The following GAS2 variants were observed in gnomAD, a reference collection of about 807,000 sequenced individuals.
The protein encoded by GAS2 is growth arrest specific 2.
A neutral mutation model predicts 37.5 loss-of-function variants in GAS2; 20 were observed. The ratio of observed to expected loss-of-function variants is 0.53; its 90% CI spans 0.37 to 0.77. The LOEUF is 0.77. Among genes scored for constraint, GAS2 ranks in the 30% least tolerant of loss-of-function variants. GAS2 has a pLI of 0.00. For synonymous variants in GAS2, 144 were observed against 132.2 expected, an observed-to-expected ratio of 1.09 and a Z score of -0.61; for missense variants, 336 against 373.4, an observed-to-expected ratio of 0.90 and a Z score of 0.82.
intron 5 of GAS2, among the ~76,000 whole-genome samples, chr11:22,741,719 A>G (rs898964260): frequency 6.6e-6 from 1 of 152,160 alleles, no homozygotes; most frequent in East Asian, 1.9e-4. Context: ...AAGCACTTGA[A>G]CTAACTGCTG....
intron 1 of GAS2, among the ~76,000 whole-genome samples, chr11:22,658,322 C>G (rs1430327550): frequency 6.6e-6 from 1 of 152,150 alleles, no homozygotes; most frequent in Non-Finnish European, 1.5e-5. Flanking sequence ...AGCCACTGTG[C>G]CTGGCCTTTG....
intron 1 of GAS2, among the ~76,000 whole-genome samples, chr11:22,641,892 CATT>C (rs1342683964): frequency 1.3e-5 from 2 of 152,210 alleles, no homozygotes; most frequent in Admixed American, 6.6e-5. Context: ...ACAAAGTCAT[CATT>C]GTTACAGTAA....
chr11:22,674,906 C>T lies in GAS2; in HGVS notation c.37C>T (p.Pro13Ser). 6.2e-7 allele frequency: 1 copy of T among 1,613,442 alleles called. No homozygotes were observed. The highest frequency in any genetic ancestry group is 8.5e-7 in the Non-Finnish European group (1 of 1,179,636). The change falls in exon 2 of 8, where the codon CCT becomes TCT. Residue 13 changes from proline to serine, a missense_variant. By Grantham distance (74) the Pro-to-Ser change is moderately conservative (BLOSUM62 -1). Transcript: ENST00000454584. Reference protein sequence around the residue: ...TALSPKVRSGPGLSDMHQYSQ... With the variant: ...TALSPKVRSGSGLSDMHQYSQ... ...TCTGAGCCCAAAGGTACGCAGTGGACCTGGCCTCTCTGATATGCATCAGTA... is the reference window on the plus strand; with the variant it reads ...TCTGAGCCCAAAGGTACGCAGTGGATCTGGCCTCTCTGATATGCATCAGTA...
chr11:22,650,819 C>T (rs1194205463), intron 1 of GAS2, among the ~76,000 whole-genome samples: 7 of 151,988 alleles, frequency 4.6e-5, no homozygotes, highest in Admixed American at 6.6e-5. Context: ...TGTCTCTGCC[C>T]GTGAGATGGG....
Position 22,696,868 on chromosome 11 carries a change from G to A in GAS2, c.267+11079G>A, listed in dbSNP as rs553592019. Among the ~76,000 whole-genome samples the A allele has an allele frequency of 5.8e-3, 858 of 146,998 alleles. 9 individuals are homozygous for A. The highest frequency in any genetic ancestry group is 0.019 in the African/African-American group (759 of 40,078). On this transcript the variant is annotated intron_variant, in intron 3 of 7. Coordinates refer to ENST00000454584, the MANE Select transcript of GAS2 (RefSeq NM_001143830.3). ...GCCCTTTGTCAGATGAGTAGGTTGCGAAAATTTTCTCCCATTTTGTAGGTT... is the reference window on the plus strand; with the variant it reads ...GCCCTTTGTCAGATGAGTAGGTTGCAAAAATTTTCTCCCATTTTGTAGGTT...
At chr11:22,713,816 C>T (rs930424389) in intron 3 of GAS2, among the ~76,000 whole-genome samples, 2 of 152,108 alleles carry the variant, frequency 1.3e-5, no homozygotes, top group African/African-American at 2.4e-5. Flanking sequence ...GAATTATTCA[C>T]CACTACCAAG....
chr11:22,707,529 G>T (rs900198669), intron 3 of GAS2, among the ~76,000 whole-genome samples: 1 of 152,146 alleles, frequency 6.6e-6, no homozygotes, highest in Non-Finnish European at 1.5e-5. Flanking sequence ...GACCTCTGCT[G>T]ATATACTTAG....
chr11:22,746,525 A>G (rs114882633), intron 5 of GAS2, among the ~76,000 whole-genome samples: 1,608 of 152,322 alleles, frequency 0.011, 23 homozygotes, highest in African/African-American at 0.037. Context: ...CAGTCATAGA[A>G]AAGAATGAAA....
At chr11:22,701,727 G>T in intron 3 of GAS2, among the ~76,000 whole-genome samples, 1 of 152,102 alleles carries the variant, frequency 6.6e-6, no homozygotes, top group East Asian at 1.9e-4. Context: ...TACTCTGGAC[G>T]CTGAGGGAGG....
intron 7 of GAS2, among the ~76,000 whole-genome samples, chr11:22,762,796 G>A (rs1393938452): frequency 1.3e-5 from 2 of 152,052 alleles, no homozygotes; most frequent in Admixed American, 6.6e-5. Context: ...TCCTTAATAG[G>A]CAAAATTAAC....
At chr11:22,641,143 G>A (rs1228110905) in intron 1 of GAS2, among the ~76,000 whole-genome samples, 2 of 149,080 alleles carry the variant, frequency 1.3e-5, no homozygotes, top group East Asian at 4.0e-4. Context: ...GAGGAGGGAG[G>A]TTAAGGATTT....
chr11:22,681,153 G>T lies in GAS2; in HGVS notation c.146-4515G>T, dbSNP rs138173063. Reference sequence around the variant, plus strand: ...TCTCAGCAACTTGGAAGATTAAAAGGATTATTTTTTCCAGGTGGCCCCAGT... The same window carrying T: ...TCTCAGCAACTTGGAAGATTAAAAGTATTATTTTTTCCAGGTGGCCCCAGT... On this transcript the variant is annotated intron_variant, in intron 2 of 7. Coordinates refer to ENST00000454584, the MANE Select transcript of GAS2 (RefSeq NM_001143830.3). Among the ~76,000 whole-genome samples, 734 of 152,226 alleles carry T rather than the reference G, an allele frequency of 4.8e-3. 7 individuals carry two copies. Among genetic ancestry groups the T allele is most frequent in the Non-Finnish European group, 6.1e-3 (413 of 67,980 alleles).
chr11:22,747,023 G>T (rs1359159641), intron 5 of GAS2, among the ~76,000 whole-genome samples: 1 of 152,002 alleles, frequency 6.6e-6, no homozygotes, highest in African/African-American at 2.4e-5. Context: ...ATGATTACTA[G>T]AAAACTAAAA....
At chr11:22,665,676 C>T (rs1353896202), upstream of GAS2, among the ~76,000 whole-genome samples, 1 of 152,174 alleles carries the variant, frequency 6.6e-6, no homozygotes, top group Non-Finnish European at 1.5e-5. Flanking sequence ...TCGGTTTTCT[C>T]TTCTTCTTTA....
At chr11:22,769,216 A>T (rs1433725372) in intron 7 of GAS2, among the ~76,000 whole-genome samples, 1 of 152,180 alleles carries the variant, frequency 6.6e-6, no homozygotes, top group Non-Finnish European at 1.5e-5. Flanking sequence ...TCCCAGGGTG[A>T]TATTTACAAA....
chr11:22,691,349 A>G (rs1336024901), intron 3 of GAS2, among the ~76,000 whole-genome samples: 1 of 152,222 alleles, frequency 6.6e-6, no homozygotes, highest in Non-Finnish European at 1.5e-5. Context: ...TAAATAAGAC[A>G]TAAAGATTAG....
intron 7 of GAS2, among the ~76,000 whole-genome samples, chr11:22,765,417 T>C (rs1854633208): frequency 6.6e-6 from 1 of 152,144 alleles, no homozygotes; most frequent in Admixed American, 6.5e-5. Flanking sequence ...TGTGGAAAAA[T>C]ACACCTTTTT....
intron 7 of GAS2, among the ~76,000 whole-genome samples, chr11:22,767,553 T>C (rs1463000437): frequency 1.4e-5 from 1 of 69,884 alleles, no homozygotes; most frequent in Non-Finnish European, 4.4e-5. Context: ...ATGTGAATGA[T>C]TTTTTTTGCA....
At chr11:22,781,981 T>C (rs905159086) in intron 7 of GAS2, among the ~76,000 whole-genome samples, 7 of 152,192 alleles carry the variant, frequency 4.6e-5, no homozygotes, top group Admixed American at 2.0e-4. Flanking sequence ...TACTAATCAG[T>C]TGATGGTCTG....
Sources: gnomAD v4.1 joint callset for allele counts (sites outside exome capture counted in the v4.1 genomes callset) on GRCh38, gnomAD v4.1.1 for gene constraint, MANE v1.5 for transcripts, NCBI Gene and HGNC (gene_info 2026-07-23, HGNC 2026-07-21) for gene names.